The following CDH12 variants were observed in gnomAD, a reference collection of about 807,000 sequenced individuals.
CDH12 encodes cadherin 12.
CDH12 carries 41 observed loss-of-function variants against 74.1 expected under a neutral mutation model. That is an observed-to-expected ratio of 0.55 (90% CI 0.43 to 0.72). The LOEUF is 0.72. Among genes scored for constraint, CDH12 ranks in the 30% least tolerant of loss-of-function variants. The probability of loss-of-function intolerance (pLI) is 0.00; values close to 1 mark genes in which losing one functional copy is unlikely to be tolerated. For missense variants in CDH12, 945 were observed against 977.2 expected (o/e 0.97, Z 0.44); for synonymous variants, 399 against 355.0 (o/e 1.12, Z -1.39).
At chr5:22,717,159 C>T (rs1024972337) in intron 1 of CDH12, among the ~76,000 whole-genome samples, 2 of 152,112 alleles carry the variant, frequency 1.3e-5, no homozygotes, top group African/African-American at 4.8e-5. Flanking sequence ...CCCTCACATT[C>T]ACCCACCTCT....
At chr5:22,785,405 T>C (rs2126362727) in intron 1 of CDH12, among the ~76,000 whole-genome samples, 1 of 152,278 alleles carries the variant, frequency 6.6e-6, no homozygotes, top group Admixed American at 6.5e-5. Context: ...TTCTACCACC[T>C]CTGGTAATGT....
intron 4 of CDH12, among the ~76,000 whole-genome samples, chr5:22,149,352 T>C (rs1008275786): frequency 6.6e-6 from 1 of 152,142 alleles, no homozygotes; most frequent in Non-Finnish European, 1.5e-5. Context: ...CTAAACTACA[T>C]CCTACTGCTT....
At chr5:22,797,607 C>G (rs970146015) in intron 1 of CDH12, among the ~76,000 whole-genome samples, 1 of 152,076 alleles carries the variant, frequency 6.6e-6, no homozygotes, top group Non-Finnish European at 1.5e-5. Context: ...AGATATTTGT[C>G]AGTAACCAGT....
chr5:22,750,296 A>G (rs1024444087), intron 1 of CDH12, among the ~76,000 whole-genome samples: 2 of 152,160 alleles, frequency 1.3e-5, no homozygotes, highest in African/African-American at 4.8e-5. Context: ...AGCCTTGAAT[A>G]TCATGTTGAG....
Position 22,098,898 on chromosome 5 carries a change from T to C in CDH12, c.-186-20036A>G, listed in dbSNP as rs368294177. Among the ~76,000 whole-genome samples, 90 of 152,270 alleles carry C rather than the reference T, an allele frequency of 5.9e-4. 2 individuals are homozygous for C. In the South Asian group the frequency reaches 0.015, roughly 26 times the overall value. Reference sequence around the variant, plus strand: ...TATGCTATAGTACAAGCCACTAGCCTGCCTCTTAGAACCTCTCATTTCCTT... The same window carrying C: ...TATGCTATAGTACAAGCCACTAGCCCGCCTCTTAGAACCTCTCATTTCCTT... On this transcript the variant is annotated intron_variant, in intron 4 of 14. Coordinates refer to ENST00000382254, the MANE Select transcript of CDH12 (RefSeq NM_004061.5).
intron 4 of CDH12, among the ~76,000 whole-genome samples, chr5:22,117,482 A>ATATATAATATG (rs1209434441): frequency 0.072 from 3,389 of 47,372 alleles, 107 homozygotes; most frequent in South Asian, 0.14. Context: ...TATATATTAT[A>ATATATAATATG]TATATATTAT....
At chr5:22,797,281 C>T (rs1748279305) in intron 1 of CDH12, among the ~76,000 whole-genome samples, 1 of 151,062 alleles carries the variant, frequency 6.6e-6, no homozygotes. Flanking sequence ...AACCAGGGAA[C>T]AGGCCCTCAT....
chr5:22,445,398 A>G lies in CDH12; in HGVS notation c.-427-40047T>C, dbSNP rs916833046. Among the ~76,000 whole-genome samples the G allele has an allele frequency of 2.0e-5, 3 of 152,040 alleles. No homozygotes were observed. The South Asian group carries it at 6.2e-4, about 32-fold the overall frequency. On this transcript the variant is annotated intron_variant, in intron 2 of 14. Coordinates refer to ENST00000382254, the MANE Select transcript of CDH12 (RefSeq NM_004061.5). The stretch of plus-strand genomic sequence containing the variant: ...TTATTTTCCCCTGCCCACCTCCCAT[A>G]TTGCCAAAGTAAACCTGTTTTGTGT...
intron 3 of CDH12, among the ~76,000 whole-genome samples, chr5:22,272,125 G>C (rs1024755320): frequency 3.3e-5 from 5 of 152,222 alleles, no homozygotes; most frequent in Non-Finnish European, 7.3e-5. Flanking sequence ...ATTGTTTAGT[G>C]TAACCACCTT....
At chr5:21,800,123 G>A (rs532604237) in intron 10 of CDH12, among the ~76,000 whole-genome samples, 2 of 152,124 alleles carry the variant, frequency 1.3e-5, no homozygotes, top group South Asian at 4.1e-4. Context: ...ATTGTATTTT[G>A]GAAACACATA....
intron 1 of CDH12, among the ~76,000 whole-genome samples, chr5:22,557,600 T>C (rs979721075): frequency 4.6e-5 from 7 of 152,102 alleles, no homozygotes; most frequent in African/African-American, 1.7e-4. Flanking sequence ...TAATTCCTTC[T>C]TAAAGTGACA....
At chr5:22,277,836 A>G (rs1736703105) in intron 3 of CDH12, among the ~76,000 whole-genome samples, 1 of 152,174 alleles carries the variant, frequency 6.6e-6, no homozygotes, top group Admixed American at 6.5e-5. Context: ...CTCTGTCTCA[A>G]ACAACAACAA....
At chr5:22,545,272 T>G (rs1427081034) in intron 1 of CDH12, among the ~76,000 whole-genome samples, 1 of 152,198 alleles carries the variant, frequency 6.6e-6, no homozygotes, top group Non-Finnish European at 1.5e-5. Context: ...AAGGATGTTC[T>G]TGGTTTGTCT....
intron 1 of CDH12, among the ~76,000 whole-genome samples, chr5:22,555,802 A>C (rs1164167062): frequency 1.3e-5 from 2 of 152,056 alleles, no homozygotes; most frequent in African/African-American, 2.4e-5. Flanking sequence ...ATTATATCAT[A>C]AAGATCTTGA....
chr5:22,066,049 C>T (rs1032546260), intron 5 of CDH12, among the ~76,000 whole-genome samples: 1 of 152,124 alleles, frequency 6.6e-6, no homozygotes, highest in Non-Finnish European at 1.5e-5. Flanking sequence ...AGTTTCCAGA[C>T]TTGCACCAGT....
intron 1 of CDH12, among the ~76,000 whole-genome samples, chr5:22,846,859 A>G (rs934562728): frequency 6.6e-6 from 1 of 152,116 alleles, no homozygotes; most frequent in African/African-American, 2.4e-5. Context: ...TTCCCTCATC[A>G]CTGGTGTTAT....
intron 5 of CDH12, among the ~76,000 whole-genome samples, chr5:22,024,813 C>T (rs546329205): frequency 9.9e-5 from 15 of 152,164 alleles, no homozygotes; most frequent in Non-Finnish European, 1.8e-4. Flanking sequence ...CATGCCTGGC[C>T]AAAAGCAAAT....
intron 1 of CDH12, among the ~76,000 whole-genome samples, chr5:22,652,628 G>A (rs1405383444): frequency 6.6e-6 from 1 of 152,010 alleles, no homozygotes; most frequent in Non-Finnish European, 1.5e-5. Context: ...TTAATTTTTA[G>A]ACTTTATATG....
Position 21,982,299 on chromosome 5 carries a change from T to C in CDH12, c.232-6914A>G, listed in dbSNP as rs541123547. ...TTTGACTTCAATTAAAACATTGGCT[T>C]TTCCTGGGTCTTGAGCCTGCCCGTC... On this transcript the variant is annotated intron_variant, in intron 5 of 14. Transcript: ENST00000382254. 7.4e-3 allele frequency among the ~76,000 whole-genome samples: 1,133 copies of C among 152,126 alleles called. 9 individuals are homozygous for C. Among genetic ancestry groups the C allele is most frequent in the African/African-American group, 0.026 (1,061 of 41,498 alleles).
Sources: allele counts gnomAD v4.1 joint callset (sites outside exome capture counted in the v4.1 genomes callset), GRCh38; gene constraint gnomAD v4.1.1; transcripts MANE v1.5; gene names NCBI Gene and HGNC (gene_info 2026-07-23, HGNC 2026-07-21).